LMAN2: variants seen among roughly 807,000 people sequenced by gnomAD.
LMAN2 encodes the protein lectin, mannose binding 2.
A neutral mutation model predicts 39.3 loss-of-function variants in LMAN2; 22 were observed. The ratio of observed to expected loss-of-function variants is 0.56; its 90% CI spans 0.40 to 0.80. The LOEUF is 0.80. Among genes scored for constraint, LMAN2 ranks in the 30% least tolerant of loss-of-function variants. The pLI is 0.00. For missense variants in LMAN2, 494 were observed against 505.4 expected, an observed-to-expected ratio of 0.98 and a Z score of 0.22; for synonymous variants, 207 against 207.8, an observed-to-expected ratio of 1.00 and a Z score of 0.03.
Position 177,339,908 on chromosome 5 carries a change from C to A in LMAN2, c.316-1303G>T, listed in dbSNP as rs570130203. On this transcript the variant is annotated intron_variant, in intron 2 of 7. Coordinates refer to ENST00000303127, the MANE Select transcript of LMAN2 (RefSeq NM_006816.3). ...TGATGCCACAGACTCACTGCTCCCA[C>A]TCTGGGCACCAGGAACCCAGATAAC... Among the ~76,000 whole-genome samples the A allele has an allele frequency of 4.6e-5, 7 of 152,292 alleles. No homozygotes were observed. In the South Asian group the frequency reaches 1.0e-3, roughly 23 times the overall value.
Position 177,332,131 on chromosome 5 carries a change from G to C in LMAN2, c.1026C>G (p.Ala342=), listed in dbSNP as rs373041696. The C allele has an allele frequency of 1.2e-6, 2 of 1,613,560 alleles. No individual in the cohort carries two copies. Among genetic ancestry groups the C allele is most frequent in the Non-Finnish European group, 1.7e-6 (2 of 1,179,926 alleles). The change falls in exon 8 of 8, where the codon GCC becomes GCG. Residue 342 remains alanine (A), a synonymous_variant. Transcript: ENST00000303127. The surrounding 1 kb of genome is among the most constrained non-coding windows in gnomAD (Gnocchi z 6.3). ...LGIVVCAVVG[A]VVFQKRQERN... is the part of the protein sequence containing the mutation. ...GCTCCTGCCGCTTCTGGAACACCAC[G>C]GCCCCCACCACGGCGCAGACAACGA...
chr5:177,342,442 T>C (rs1761567682), intron 2 of LMAN2, among the ~76,000 whole-genome samples: 1 of 152,158 alleles, frequency 6.6e-6, no homozygotes, highest in South Asian at 2.1e-4. Context: ...TGAAACACTT[T>C]GGGAGGCTGA....
chr5:177,341,109 C>T (rs13190259), intron 2 of LMAN2, among the ~76,000 whole-genome samples: 46,846 of 141,130 alleles, frequency 0.33, 8,201 homozygotes, highest in Middle Eastern at 0.42. Flanking sequence ...TCTTGTTGCC[C>T]AGGCTGGAGT....
chr5:177,346,581 ATG>A (rs1761641569), intron 2 of LMAN2, among the ~76,000 whole-genome samples: 1 of 152,164 alleles, frequency 6.6e-6, no homozygotes, highest in African/African-American at 2.4e-5. Flanking sequence ...AAGTTTTTGT[ATG>A]TACCTAATTT....
At chr5:177,341,223 C>T (rs566462249) in intron 2 of LMAN2, among the ~76,000 whole-genome samples, 130 of 152,116 alleles carry the variant, frequency 8.5e-4, no homozygotes, top group African/African-American at 1.9e-3. Context: ...TGCGCCACTA[C>T]GCCTGGCTAA....
At chr5:177,341,682 G>A (rs1761556541) in intron 2 of LMAN2, among the ~76,000 whole-genome samples, 1 of 152,222 alleles carries the variant, frequency 6.6e-6, no homozygotes, top group Non-Finnish European at 1.5e-5. Context: ...CAGATGTAAA[G>A]TCAGATTCCA....
chr5:177,337,430 G>A lies in LMAN2; in HGVS notation c.608C>T (p.Thr203Met), dbSNP rs370158125. Reference sequence around the variant, plus strand: ...GTGATCGCGGTTGCGGAAGTCAGCCGTGCAGCCCGCCAGCTCGGTCCAGCG... The same window carrying A: ...GTGATCGCGGTTGCGGAAGTCAGCCATGCAGCCCGCCAGCTCGGTCCAGCG... ...DGRWTELAGC[T>M]ADFRNRDHDT... Residue 203 changes from threonine to methionine, a missense_variant, in exon 5 of 8, where the codon ACG (threonine) becomes ATG (methionine). Physicochemically the swap from Thr to Met is moderately conservative, Grantham distance 81 (BLOSUM62 -1). Coordinates refer to ENST00000303127, the MANE Select transcript of LMAN2 (RefSeq NM_006816.3). This position sits in a 1 kb window ranked among gnomAD's most constrained non-coding sequence, Gnocchi z 8.2. 23 of 1,613,450 alleles carry A rather than the reference G, an allele frequency of 1.4e-5. No individual in the cohort carries two copies. The highest frequency in any genetic ancestry group is 1.3e-4 in the East Asian group (6 of 44,900).
intron 2 of LMAN2, among the ~76,000 whole-genome samples, chr5:177,348,851 T>C (rs1581607120): frequency 7.2e-6 from 1 of 138,892 alleles, no homozygotes; most frequent in African/African-American, 2.8e-5. Context: ...GCCACTGCCC[T>C]CCAGCCTGGG....
intron 2 of LMAN2, among the ~76,000 whole-genome samples, chr5:177,339,215 A>T (rs1165410971): frequency 6.6e-6 from 1 of 152,102 alleles, no homozygotes; most frequent in Non-Finnish European, 1.5e-5. Context: ...CATAAATTGC[A>T]CCAGCCCCTT....
intron 2 of LMAN2, among the ~76,000 whole-genome samples, chr5:177,347,308 T>C (rs1056860338): frequency 1.3e-5 from 2 of 151,964 alleles, no homozygotes; most frequent in African/African-American, 4.8e-5. Context: ...ACACACCCAT[T>C]CCCAGCATGT....
In LMAN2 at chr5:177,345,917, G is replaced by A. The variant is rs530754805; in HGVS notation, c.315+5256C>T. ...AGAGTAACTGGGACTACAAGCGCCC[G>A]CCACCACACCCAGCTAATTTTTGTA... On this transcript the variant is annotated intron_variant, in intron 2 of 7. Coordinates refer to ENST00000303127, the MANE Select transcript of LMAN2 (RefSeq NM_006816.3). Among the ~76,000 whole-genome samples the A allele has an allele frequency of 4.6e-5, 7 of 152,020 alleles. No individual in the cohort carries two copies. The South Asian group carries it at 8.3e-4, about 18-fold the overall frequency.
chr5:177,334,125 C>A (rs1195440041), intron 7 of LMAN2, among the ~76,000 whole-genome samples, 159 bp downstream of exon 7: 1 of 152,382 alleles, frequency 6.6e-6, no homozygotes, highest in South Asian at 2.1e-4. Context: ...GGAGCTCGGA[C>A]AGGGCCAGCC....
chr5:177,331,815 G>A lies in LMAN2; in HGVS notation c.*271C>T, dbSNP rs1361467454. On this transcript the variant is annotated 3_prime_UTR_variant, in exon 8 of 8. Coordinates refer to ENST00000303127, the MANE Select transcript of LMAN2 (RefSeq NM_006816.3). Reference sequence around the variant, plus strand: ...CAGTGTTCAACAGCTGCCTGCAGGGGCCACAGCCCATCTGTAGACACAGAC... The same window carrying A: ...CAGTGTTCAACAGCTGCCTGCAGGGACCACAGCCCATCTGTAGACACAGAC... 11 of 366,300 alleles carry A rather than the reference G, an allele frequency of 3.0e-5. No homozygotes were observed. In the East Asian group the frequency reaches 5.1e-4, roughly 17 times the overall value. 22.7% of individuals were successfully genotyped at this position (366,300 alleles called of 1,614,324 possible).
At chr5:177,344,483 TG>T (rs1442572690) in intron 2 of LMAN2, among the ~76,000 whole-genome samples, 3 of 148,680 alleles carry the variant, frequency 2.0e-5, no homozygotes, top group African/African-American at 7.4e-5. Context: ...GGTTTCACCA[TG>T]TTGGCCAGGA....
intron 2 of LMAN2, among the ~76,000 whole-genome samples, chr5:177,340,288 G>A (rs1487569987): frequency 1.3e-5 from 2 of 152,104 alleles, no homozygotes; most frequent in African/African-American, 4.8e-5. Flanking sequence ...TACAGCCCCA[G>A]GCAATCCTGA....
chr5:177,342,814 A>G (rs1761576658), intron 2 of LMAN2, among the ~76,000 whole-genome samples: 1 of 152,212 alleles, frequency 6.6e-6, no homozygotes, highest in African/African-American at 2.4e-5. Context: ...CAGACAAAAA[A>G]AAAAAAAAGA....
chr5:177,336,901 C>T (rs572363091), intron 6 of LMAN2: 71 of 558,486 alleles, frequency 1.3e-4, no homozygotes, highest in Non-Finnish European at 2.1e-4. Context: ...ACCACAGGAA[C>T]TGAGGCCCGG....
At chr5:177,341,051 A>T (rs1438029003) in intron 2 of LMAN2, among the ~76,000 whole-genome samples, 1 of 138,236 alleles carries the variant, frequency 7.2e-6, no homozygotes, top group Non-Finnish European at 1.5e-5. Context: ...CACCACGCCC[A>T]GCCTTTTTTT....
At chr5:177,340,303 G>A (rs991455430) in intron 2 of LMAN2, among the ~76,000 whole-genome samples, 14 of 152,218 alleles carry the variant, frequency 9.2e-5, no homozygotes, top group South Asian at 2.1e-4. Context: ...TCCTGAGAAC[G>A]TGTGCCACAA....
Sources: gnomAD v4.1 joint callset for allele counts (sites outside exome capture counted in the v4.1 genomes callset) on GRCh38, gnomAD v4.1.1 for gene constraint, Gnocchi (gnomAD v3.1) non-coding constraint, MANE v1.5 for transcripts, NCBI Gene and HGNC (gene_info 2026-07-23, HGNC 2026-07-21) for gene names.